CEP112: variants seen among roughly 807,000 people sequenced by gnomAD.
The protein encoded by CEP112 is centrosomal protein of 112 kDa.
A neutral mutation model predicts 153.0 loss-of-function variants in CEP112; 127 were observed. The ratio of observed to expected loss-of-function variants is 0.83; its 90% confidence interval spans 0.72 to 0.96. The LOEUF (loss-of-function observed/expected upper bound fraction) is 0.96. CEP112 is among the 40% of genes least tolerant of loss of function. The pLI, the probability that CEP112 is intolerant of heterozygous loss-of-function variation, is 0.00. For missense variants in CEP112, 1,089 were observed against 1,101.2 expected, an observed-to-expected ratio of 0.99 and a Z score of 0.16; for synonymous variants, 358 against 374.4, an observed-to-expected ratio of 0.96 and a Z score of 0.51.
At chr17:65,725,483 A>C (rs1033595278) in intron 23 of CEP112, among the ~76,000 whole-genome samples, 2 of 151,944 alleles carry the variant, frequency 1.3e-5, no homozygotes, top group African/African-American at 2.4e-5. Flanking sequence ...GCGCCTGGCT[A>C]ATCTTTTGTA....
At chr17:66,048,641 G>A (rs972060878) in intron 12 of CEP112, among the ~76,000 whole-genome samples, 16 of 152,000 alleles carry the variant, frequency 1.1e-4, no homozygotes, top group East Asian at 1.9e-4. Flanking sequence ...ACAGAGTCTC[G>A]CTCTGTTGCC....
chr17:66,006,561 G>A (rs923229909), intron 16 of CEP112, among the ~76,000 whole-genome samples: 7 of 151,446 alleles, frequency 4.6e-5, no homozygotes, highest in Non-Finnish European at 7.4e-5. Flanking sequence ...AGCCAAGATC[G>A]CACCCCTGCA....
At chr17:66,104,461 G>C (rs985542470) in intron 6 of CEP112, among the ~76,000 whole-genome samples, 4 of 152,172 alleles carry the variant, frequency 2.6e-5, no homozygotes, top group African/African-American at 9.7e-5. Context: ...GTCTCTGAAT[G>C]CTCAGCAGTG....
chr17:65,689,284 TG>T, intron 23 of CEP112, 66 bp from the exon 24 acceptor site: 1 of 1,165,892 alleles, frequency 8.6e-7, no homozygotes, highest in East Asian at 2.4e-5. Context: ...TTCTACACCA[TG>T]AACTGGCACT....
At chr17:66,004,686 C>G (rs570397472) in intron 17 of CEP112, among the ~76,000 whole-genome samples, 1 of 152,160 alleles carries the variant, frequency 6.6e-6, no homozygotes, top group South Asian at 2.1e-4. Context: ...TATTCAGGAA[C>G]TGAGCCAATA....
At chr17:66,141,793 T>C (rs1476084693) in intron 4 of CEP112, among the ~76,000 whole-genome samples, 1 of 152,232 alleles carries the variant, frequency 6.6e-6, no homozygotes, top group Non-Finnish European at 1.5e-5. Flanking sequence ...TAGATGAACA[T>C]ATAGGTTGTT....
At chr17:66,138,075 G>A (rs72837153) in intron 4 of CEP112, among the ~76,000 whole-genome samples, 4 of 152,126 alleles carry the variant, frequency 2.6e-5, no homozygotes, top group Admixed American at 2.6e-4. Context: ...TGAGATCAAT[G>A]AGACAATGAG....
At chr17:65,833,432 A>G (rs576507036) in intron 21 of CEP112, among the ~76,000 whole-genome samples, 40 of 152,122 alleles carry the variant, frequency 2.6e-4, no homozygotes, top group Non-Finnish European at 4.4e-4. Flanking sequence ...GTTTGCAGAC[A>G]TGATTCTATA....
rs766962362 is a variant in CEP112 at position 66,175,075 on chromosome 17, T to G, written c.439A>C (p.Thr147Pro). The G allele has an allele frequency of 1.2e-6, 2 of 1,611,982 alleles. No homozygotes were observed. The highest frequency in any genetic ancestry group is 1.7e-5 in the Admixed American group (1 of 59,600). Reference protein sequence around the residue: ...SWKLSSGEDNTLVQSPTDVYS... With the variant: ...SWKLSSGEDNPLVQSPTDVYS... ...ACATCAGTTGGCGACTGTACTAAAG[T>G]GTTATCTTCTCCAGAAGAGAGTTTC... Residue 147 changes from threonine to proline, a missense_variant, in exon 4 of 27, where the codon ACT becomes CCT. Thr to Pro is a conservative substitution (Grantham distance 38). Coordinates refer to ENST00000535342, the MANE Select transcript of CEP112 (RefSeq NM_001199165.4).
At chr17:65,758,249 A>G (rs2052402980) in intron 21 of CEP112, among the ~76,000 whole-genome samples, 2 of 152,064 alleles carry the variant, frequency 1.3e-5, no homozygotes, top group Non-Finnish European at 1.5e-5. Context: ...GACTGTTGCC[A>G]TTTCTGATTG....
At chr17:66,160,373 C>T (rs1243688588) in intron 4 of CEP112, among the ~76,000 whole-genome samples, 3 of 152,074 alleles carry the variant, frequency 2.0e-5, no homozygotes, top group Admixed American at 2.0e-4. Context: ...AAAAAAGAGC[C>T]CACATAGCCA....
chr17:66,152,012 A>G (rs1475750951), intron 4 of CEP112, among the ~76,000 whole-genome samples: 1 of 152,270 alleles, frequency 6.6e-6, no homozygotes, highest in Non-Finnish European at 1.5e-5. Flanking sequence ...TAGAACAAAT[A>G]CTAAGCATAT....
intron 21 of CEP112, among the ~76,000 whole-genome samples, chr17:65,803,150 A>G (rs1031543766): frequency 6.6e-6 from 1 of 152,248 alleles, no homozygotes; most frequent in African/African-American, 2.4e-5. Flanking sequence ...AGCTATATGT[A>G]TCTTCTCTCT....
In CEP112 at chr17:65,635,640, G is replaced by C; in HGVS notation, c.*331C>G. 1 of 356,346 alleles carries C rather than the reference G, an allele frequency of 2.8e-6. No homozygotes were observed. The highest frequency in any genetic ancestry group is 4.6e-5 in the Admixed American group (1 of 21,696). The allele number at this position is 356,346 out of a possible 1,614,324, so 22.1% of individuals were successfully genotyped here. ...TGATACTACAAACGTGATTTTGATCGTACGCAACTGGTAAAATTCTATGCA... is the reference window on the plus strand; with the variant it reads ...TGATACTACAAACGTGATTTTGATCCTACGCAACTGGTAAAATTCTATGCA... On this transcript the variant is annotated 3_prime_UTR_variant, in exon 27 of 27. Transcript: ENST00000535342.
chr17:65,820,148 T>A (rs112880139), intron 21 of CEP112, among the ~76,000 whole-genome samples: 3 of 152,040 alleles, frequency 2.0e-5, no homozygotes, highest in Non-Finnish European at 4.4e-5. Flanking sequence ...ATAAGTGGGA[T>A]TTTCATAAAC....
intron 20 of CEP112, among the ~76,000 whole-genome samples, chr17:65,896,104 TAGA>T (rs1383936518): frequency 1.3e-5 from 2 of 152,148 alleles, no homozygotes; most frequent in African/African-American, 2.4e-5. Context: ...TGGTATTATT[TAGA>T]AGGTTTGTCT....
At chr17:65,902,118 G>C (rs1568196969) in intron 20 of CEP112, 34 bp downstream of exon 20, 3 of 1,532,642 alleles carry the variant, frequency 2.0e-6, no homozygotes, top group Non-Finnish European at 9.0e-7. Flanking sequence ...TTTAAAAACA[G>C]ATACCCGTTT....
intron 21 of CEP112, among the ~76,000 whole-genome samples, chr17:65,809,441 C>G (rs745362002): frequency 1.1e-4 from 16 of 152,088 alleles, no homozygotes; most frequent in Non-Finnish European, 1.9e-4. Flanking sequence ...ATAGGAAGAC[C>G]AGGTGGGAGT....
intron 23 of CEP112, among the ~76,000 whole-genome samples, chr17:65,728,708 G>C (rs1278090709): frequency 6.6e-6 from 1 of 152,100 alleles, no homozygotes; most frequent in East Asian, 1.9e-4. Context: ...TCTAAGCAAA[G>C]AAAAGGTACA....
Sources: gnomAD v4.1 joint callset for allele counts (sites outside exome capture counted in the v4.1 genomes callset) on GRCh38, gnomAD v4.1.1 for gene constraint, MANE v1.5 for transcripts, NCBI Gene and HGNC (gene_info 2026-07-23, HGNC 2026-07-21) for gene names.